The following OCA2 variants were observed in gnomAD, a reference collection of about 807,000 sequenced individuals.
OCA2 encodes OCA2 melanosomal transmembrane protein.
A neutral mutation model predicts 100.2 loss-of-function variants in OCA2; 77 were observed. The observed-to-expected ratio is 0.77, with a 90% CI of 0.64 to 0.93. OCA2 has a LOEUF of 0.93. OCA2 is among the 40% of genes least tolerant of loss of function. OCA2 has a pLI of 0.00. For synonymous variants in OCA2, 432 were observed against 439.2 expected (o/e 0.98, Z 0.21); for missense variants, 1,062 against 1,089.1 (o/e 0.98, Z 0.35).
the OCA2 span, among the ~76,000 whole-genome samples, chr15:27,729,273 A>G: frequency 5.5e-5 from 8 of 146,350 alleles, no homozygotes; most frequent in Non-Finnish European, 8.9e-5. Flanking sequence ...CCTCATGGGC[A>G]ATGTCATTAT....
intron 19 of OCA2, among the ~76,000 whole-genome samples, chr15:27,886,855 G>A (rs563640911): frequency 1.3e-5 from 2 of 152,266 alleles, no homozygotes; most frequent in East Asian, 3.9e-4. Context: ...AGGAGAATTC[G>A]GAAAGGTGGT....
At chr15:27,956,019 T>C (rs2040212060) in intron 16 of OCA2, among the ~76,000 whole-genome samples, 1 of 152,120 alleles carries the variant, frequency 6.6e-6, no homozygotes, top group Non-Finnish European at 1.5e-5. Flanking sequence ...CACAGTCGAA[T>C]GATTCTGAGG....
intron 23 of OCA2, among the ~76,000 whole-genome samples, chr15:27,825,296 C>A (rs74005238): frequency 1.3e-5 from 2 of 152,174 alleles, no homozygotes; most frequent in Non-Finnish European, 2.9e-5. Context: ...CAAGCCCACG[C>A]GTCAGGAAGC....
downstream of OCA2, among the ~76,000 whole-genome samples, chr15:27,751,240 A>G (rs373508554): frequency 2.6e-5 from 4 of 152,298 alleles, no homozygotes; most frequent in African/African-American, 9.6e-5. Flanking sequence ...CCGCATAATA[A>G]TTGGTCCTAT....
intron 23 of OCA2, among the ~76,000 whole-genome samples, chr15:27,827,789 C>T (rs2034790699): frequency 6.6e-6 from 1 of 152,116 alleles, no homozygotes; most frequent in Non-Finnish European, 1.5e-5. Flanking sequence ...TTGTTTTAAT[C>T]AGGAAGAAAG....
At chr15:28,008,088 C>T (rs148924709) in intron 9 of OCA2, among the ~76,000 whole-genome samples, 2,049 of 152,300 alleles carry the variant, frequency 0.013, 43 homozygotes, top group African/African-American at 0.047. Context: ...GTGTCCAAGG[C>T]ACTGGGAATC....
At chr15:27,831,066 C>T (rs10852217) in intron 23 of OCA2, among the ~76,000 whole-genome samples, 112,880 of 151,412 alleles carry the variant, frequency 0.75, 43,334 homozygotes, top group East Asian at 1. Flanking sequence ...GGCAGGCGGA[C>T]CACGAGGTCA....
intron 19 of OCA2, among the ~76,000 whole-genome samples, chr15:27,874,182 T>C (rs2036694927): frequency 6.6e-6 from 1 of 152,186 alleles, no homozygotes; most frequent in African/African-American, 2.4e-5. Flanking sequence ...TTTTAACACA[T>C]TCTAGATTAG....
chr15:27,971,898 T>C (rs1282666154), intron 14 of OCA2, among the ~76,000 whole-genome samples: 1 of 152,198 alleles, frequency 6.6e-6, no homozygotes, highest in African/African-American at 2.4e-5. Flanking sequence ...TGGTGAAGTC[T>C]GGGATTTTAG....
At chr15:27,767,020 G>C (rs2031316477) in intron 23 of OCA2, among the ~76,000 whole-genome samples, 1 of 151,138 alleles carries the variant, frequency 6.6e-6, no homozygotes, top group South Asian at 2.1e-4. Context: ...GGAAGTCCCA[G>C]TTCCCAAATA....
At chr15:28,014,458 T>C (rs1171345054) in intron 9 of OCA2, among the ~76,000 whole-genome samples, 1 of 152,202 alleles carries the variant, frequency 6.6e-6, no homozygotes. Context: ...CAGAGGAGAC[T>C]GTGACTCTTG....
At chr15:27,863,246 G>T (rs2036202570) in intron 21 of OCA2, among the ~76,000 whole-genome samples, 1 of 152,202 alleles carries the variant, frequency 6.6e-6, no homozygotes, top group South Asian at 2.1e-4. Flanking sequence ...GGCTGTGTGG[G>T]ACACAGCAGC....
rs746768883 is a variant in OCA2 at position 28,014,924 on chromosome 15, G to A, written c.896C>T (p.Thr299Met). 6.4e-5 allele frequency: 104 copies of A among 1,614,020 alleles called. No homozygotes were observed. In the Middle Eastern group the frequency reaches 6.6e-4, roughly 10 times the overall value. ...GGAGGCCCGGATGCTGATGGACACCGTCTCTCTGCAGAACGAAACAACGAC... is the reference window on the plus strand; with the variant it reads ...GGAGGCCCGGATGCTGATGGACACCATCTCTCTGCAGAACGAAACAACGAC... ...SRTFEVLTRETVSISIRASLQ... is the reference protein window; with the variant it reads ...SRTFEVLTREMVSISIRASLQ... The change falls in exon 9 of 24, where the codon ACG becomes ATG. Residue 299 changes from threonine to methionine, a missense_variant. Thr to Met is a moderately conservative substitution (Grantham distance 81). Transcript: ENST00000354638.
At chr15:27,756,755 A>C (rs1017300869) in intron 23 of OCA2, among the ~76,000 whole-genome samples, 5 of 152,122 alleles carry the variant, frequency 3.3e-5, no homozygotes, top group African/African-American at 1.2e-4. Flanking sequence ...CGAGAATCTC[A>C]ATCCGGGTGC....
chr15:27,978,249 GA>G lies in OCA2; in HGVS notation c.1503+5095del, dbSNP rs564939630. Reference sequence around the variant, plus strand: ...TCAGTTAATGTTTCAAGTGCAGTTGGAAAAACATATACATTCTTCTGATATT... The same window carrying G: ...TCAGTTAATGTTTCAAGTGCAGTTGGAAAACATATACATTCTTCTGATATT... On this transcript the variant is annotated intron_variant, in intron 14 of 23. Transcript: ENST00000354638. Among the ~76,000 whole-genome samples the G allele has an allele frequency of 4.6e-5, 7 of 152,216 alleles. No individual in the cohort carries two copies. The East Asian group carries it at 1.4e-3, about 29-fold the overall frequency.
chr15:27,797,145 T>C (rs1298864944), intron 23 of OCA2, among the ~76,000 whole-genome samples: 1 of 152,218 alleles, frequency 6.6e-6, no homozygotes, highest in African/African-American at 2.4e-5. Flanking sequence ...GAGGAGCAGC[T>C]GCTGGTGAGC....
intron 14 of OCA2, among the ~76,000 whole-genome samples, chr15:27,974,533 G>A (rs547433594): frequency 5.9e-5 from 9 of 152,182 alleles, no homozygotes; most frequent in Non-Finnish European, 7.3e-5. Flanking sequence ...TTGGGAGGCC[G>A]AGGCAGATGG....
chr15:28,022,725 T>TA, intron 5 of OCA2, 152 bp from the exon 6 acceptor site: 1 of 687,284 alleles, frequency 1.5e-6, no homozygotes, highest in Non-Finnish European at 2.6e-6. Context: ...TTGTCTTAAA[T>TA]ATTATAATAT....
the OCA2 span, among the ~76,000 whole-genome samples, chr15:27,744,647 C>T: frequency 4.2e-4 from 64 of 152,306 alleles, no homozygotes; most frequent in Admixed American, 4.2e-3. Flanking sequence ...GTATATGCAG[C>T]TGACAAAGCC....
Sources: gnomAD v4.1 joint callset for allele counts (sites outside exome capture counted in the v4.1 genomes callset) on GRCh38, gnomAD v4.1.1 for gene constraint, MANE v1.5 for transcripts, NCBI Gene and HGNC (gene_info 2026-07-23, HGNC 2026-07-21) for gene names.